Variants in NTM observed in about 807,000 individuals in gnomAD.
The protein encoded by NTM is IgLON family member 2.
A neutral mutation model predicts 42.1 loss-of-function variants in NTM; 13 were observed. The ratio of observed to expected loss-of-function variants is 0.31; its 90% confidence interval spans 0.20 to 0.49. NTM has a LOEUF of 0.49. NTM is among the 20% of genes least tolerant of loss of function. NTM has a pLI of 0.99. For missense variants in NTM, 373 were observed against 452.8 expected, an observed-to-expected ratio of 0.82 and a Z score of 1.60; for synonymous variants, 187 against 179.2, an observed-to-expected ratio of 1.04 and a Z score of -0.35.
chr11:132,143,795 T>C (rs10791212), intron 2 of NTM, among the ~76,000 whole-genome samples: 9,139 of 152,186 alleles, frequency 0.06, 376 homozygotes, highest in East Asian at 0.13. Context: ...ACTTATGTCG[T>C]TCCAAATTCA....
At chr11:131,535,830 A>G (rs2052096875) in intron 1 of NTM, 1 of 152,196 alleles carries the variant, frequency 6.6e-6, no homozygotes, top group African/African-American at 2.4e-5. Flanking sequence ...ACACATAGAA[A>G]CCACGCCGAA....
intron 4 of NTM, among the ~76,000 whole-genome samples, chr11:132,247,359 C>T (rs1050898262): frequency 1.9e-4 from 29 of 152,144 alleles, no homozygotes; most frequent in Non-Finnish European, 2.8e-4. Context: ...ATCACAAAAC[C>T]GGCTTAGGCC....
At chr11:132,023,470 G>T (rs1342096183) in intron 2 of NTM, among the ~76,000 whole-genome samples, 1 of 152,286 alleles carries the variant, frequency 6.6e-6, no homozygotes, top group African/African-American at 2.4e-5. Flanking sequence ...CCTGGCAAAG[G>T]TGTTGACCCT....
At chr11:131,756,933 A>G (rs2083421190) in intron 1 of NTM, among the ~76,000 whole-genome samples, 1 of 152,184 alleles carries the variant, frequency 6.6e-6, no homozygotes. Context: ...ATCAGGGACT[A>G]TGTTTAGAAA....
chr11:131,623,450 G>A (rs1256493390), intron 1 of NTM, among the ~76,000 whole-genome samples: 5 of 152,216 alleles, frequency 3.3e-5, no homozygotes, highest in Non-Finnish European at 7.3e-5. Context: ...CAGATGCCAT[G>A]CTGTCCACCG....
chr11:131,553,308 T>A (rs1011725428), intron 1 of NTM, among the ~76,000 whole-genome samples: 6 of 152,178 alleles, frequency 3.9e-5, no homozygotes, highest in Non-Finnish European at 8.8e-5. Context: ...TAGTGTATAT[T>A]CTACCGGTTT....
At chr11:131,606,885 C>A (rs929876337) in intron 1 of NTM, among the ~76,000 whole-genome samples, 4 of 152,236 alleles carry the variant, frequency 2.6e-5, no homozygotes, top group African/African-American at 9.6e-5. Context: ...ATGTGGCTGG[C>A]TAAATAGACC....
chr11:131,967,362 T>C (rs1458894331), intron 2 of NTM, among the ~76,000 whole-genome samples: 2 of 152,158 alleles, frequency 1.3e-5, no homozygotes, highest in Non-Finnish European at 2.9e-5. Context: ...GCAACTGATA[T>C]ATACTTTTGG....
intron 1 of NTM, among the ~76,000 whole-genome samples, chr11:131,607,601 T>G (rs1174614118): frequency 6.6e-6 from 1 of 152,196 alleles, no homozygotes; most frequent in East Asian, 1.9e-4. Flanking sequence ...GGGGTCAGGG[T>G]TAGCAGAGCC....
chr11:131,789,498 AAG>A lies in NTM; in HGVS notation c.83-122064_83-122063del, dbSNP rs1565551104. 3.8e-3 allele frequency among the ~76,000 whole-genome samples: 21 copies of A among 5,542 alleles called. 10 individuals are homozygous for A. The highest frequency in any genetic ancestry group is 4.7e-3 in the African/African-American group (6 of 1,282). 3.6% of individuals were successfully genotyped at this position (5,542 alleles called of 152,430 possible). On this transcript the variant is annotated intron_variant, in intron 1 of 8. Transcript: ENST00000683400. The stretch of plus-strand genomic sequence containing the variant: ...AAGAAGAAGAAGAAGAAGAGGAAAG[AAG>A]AAGAAGAAGAAGAAGAAGAAGAAGA...
chr11:131,410,206 A>G (rs1255868033), intron 1 of NTM, among the ~76,000 whole-genome samples: 1 of 152,156 alleles, frequency 6.6e-6, no homozygotes, highest in East Asian at 1.9e-4. Context: ...AGGGTGCAGA[A>G]GCCAGGTGTG....
intron 1 of NTM, among the ~76,000 whole-genome samples, chr11:131,792,035 A>G (rs1302407613): frequency 6.6e-6 from 1 of 152,186 alleles, no homozygotes; most frequent in Non-Finnish European, 1.5e-5. Flanking sequence ...AGAGGGATCC[A>G]GCTATCTGCA....
intron 2 of NTM, among the ~76,000 whole-genome samples, chr11:132,044,321 T>C (rs1007475954): frequency 6.6e-6 from 1 of 152,162 alleles, no homozygotes; most frequent in East Asian, 1.9e-4. Context: ...GACTCTTTCT[T>C]TCATGCAAAT....
chr11:131,812,628 A>G (rs1233967274), intron 1 of NTM, among the ~76,000 whole-genome samples: 6 of 152,150 alleles, frequency 3.9e-5, no homozygotes, highest in Admixed American at 3.9e-4. Context: ...GATGGCTTCT[A>G]CAAATGCCTG....
intron 4 of NTM, among the ~76,000 whole-genome samples, chr11:132,291,079 G>C (rs1591784165): frequency 6.6e-6 from 1 of 152,178 alleles, no homozygotes; most frequent in South Asian, 2.1e-4. Flanking sequence ...CGTATGGCCT[G>C]GTATGTGAGT....
intron 1 of NTM, among the ~76,000 whole-genome samples, chr11:131,805,977 CAT>C (rs1054699393): frequency 2.9e-4 from 44 of 152,330 alleles, no homozygotes; most frequent in African/African-American, 1.0e-3. Context: ...AATATAACCA[CAT>C]GATAACATAT....
At chr11:132,150,722 C>G (rs12417891) in intron 3 of NTM, among the ~76,000 whole-genome samples, 38,554 of 151,972 alleles carry the variant, frequency 0.25, 5,968 homozygotes, top group Non-Finnish European at 0.35. Flanking sequence ...CAAGGATGTA[C>G]CTGCAGGAGA....
At position 131,489,159 on chromosome 11, in the gene NTM, T is replaced by C. The variant is rs111919186; in HGVS notation, c.82+118271T>C. On this transcript the variant is annotated intron_variant, in intron 1 of 8. Transcript: ENST00000683400. ...TCTCTTCTCCCTTTTTCTTTAACTG[T>C]CATTTTCAACTTTTGGTTGATTCCA... Among the ~76,000 whole-genome samples the C allele has an allele frequency of 8.3e-3, 1,263 of 152,324 alleles. 11 individuals are homozygous for C. The highest frequency in any genetic ancestry group is 0.028 in the African/African-American group (1,176 of 41,564).
chr11:132,106,920 G>A (rs758707824), intron 2 of NTM, among the ~76,000 whole-genome samples: 2 of 152,102 alleles, frequency 1.3e-5, no homozygotes, highest in Non-Finnish European at 1.5e-5. Context: ...TAGGAAGCAT[G>A]TACCTAGATT....
Sources: allele counts gnomAD v4.1 joint callset (sites outside exome capture counted in the v4.1 genomes callset), GRCh38; gene constraint gnomAD v4.1.1; transcripts MANE v1.5; gene names NCBI Gene and HGNC (gene_info 2026-07-23, HGNC 2026-07-21).